The following CCSER1 variants were observed in gnomAD, a reference collection of about 807,000 sequenced individuals.
CCSER1 encodes the protein serine-rich coiled-coil domain-containing protein 1.
In CCSER1, 41 loss-of-function variants were observed where a neutral mutation model predicts 82.0. The ratio of observed to expected loss-of-function variants is 0.50; its 90% CI spans 0.39 to 0.65. The LOEUF is 0.65. Among genes scored for constraint, CCSER1 ranks in the 30% least tolerant of loss-of-function variants. The pLI, the probability that CCSER1 is intolerant of heterozygous loss-of-function variation, is 0.00. For synonymous variants in CCSER1, 414 were observed against 383.9 expected (o/e 1.08, Z -0.92); for missense variants, 1,119 against 1,064.2 (o/e 1.05, Z -0.72).
At chr4:91,010,225 A>G (rs752500959) in intron 9 of CCSER1, among the ~76,000 whole-genome samples, 1 of 152,180 alleles carries the variant, frequency 6.6e-6, no homozygotes, top group East Asian at 1.9e-4. Context: ...AACAATGAAT[A>G]TGTAATCTCA....
intron 1 of CCSER1, among the ~76,000 whole-genome samples, chr4:90,133,014 C>A (rs1723067371): frequency 6.6e-6 from 1 of 151,994 alleles, no homozygotes; most frequent in African/African-American, 2.4e-5. Context: ...ATATCTGGAG[C>A]CCCACCACAG....
chr4:91,096,204 G>A (rs953469462), intron 10 of CCSER1, among the ~76,000 whole-genome samples: 18 of 152,280 alleles, frequency 1.2e-4, no homozygotes, highest in African/African-American at 3.6e-4. Context: ...GTATTGGGCC[G>A]TAAATGGGCC....
chr4:91,522,909 T>C (rs549236414), intron 10 of CCSER1, among the ~76,000 whole-genome samples: 1 of 152,342 alleles, frequency 6.6e-6, no homozygotes, highest in African/African-American at 2.4e-5. Flanking sequence ...TCCAATACTA[T>C]GTTGAATAAG....
intron 6 of CCSER1, among the ~76,000 whole-genome samples, chr4:90,665,711 T>A (rs1436490396): frequency 6.6e-6 from 1 of 152,164 alleles, no homozygotes; most frequent in Non-Finnish European, 1.5e-5. Flanking sequence ...TACAAAGCAG[T>A]GGGGTATTAG....
chr4:91,375,154 A>G (rs567925019), intron 10 of CCSER1, among the ~76,000 whole-genome samples: 8 of 152,324 alleles, frequency 5.3e-5, no homozygotes, highest in African/African-American at 1.7e-4. Flanking sequence ...ATAAATATCA[A>G]CATTAACAGG....
At chr4:90,439,730 T>G (rs1342149781) in intron 4 of CCSER1, among the ~76,000 whole-genome samples, 1 of 152,198 alleles carries the variant, frequency 6.6e-6, no homozygotes, top group Non-Finnish European at 1.5e-5. Context: ...TTCAATAGAC[T>G]AATCCTTTCT....
chr4:90,898,286 T>TTTTTTTTTTTTTTTTTTTTTTTTTC, intron 8 of CCSER1, among the ~76,000 whole-genome samples: 1 of 112,978 alleles, frequency 8.9e-6, no homozygotes, highest in Non-Finnish European at 1.8e-5. Flanking sequence ...TTTTTTTTTT[T>TTTTTTTTTTTTTTTTTTTTTTTTTC]TTTTTTTTTT....
intron 10 of CCSER1, among the ~76,000 whole-genome samples, chr4:91,421,577 TATATC>T (rs903303808): frequency 8.5e-5 from 13 of 152,228 alleles, no homozygotes; most frequent in African/African-American, 2.9e-4. Flanking sequence ...CTTCCAGAAA[TATATC>T]ATAGACACAC....
intron 10 of CCSER1, among the ~76,000 whole-genome samples, chr4:91,393,667 T>C (rs1242481535): frequency 2.0e-5 from 3 of 152,130 alleles, no homozygotes; most frequent in African/African-American, 4.8e-5. Context: ...AATTGGGTTA[T>C]AGCTCATCCT....
At chr4:90,489,398 T>C (rs1357147603) in intron 5 of CCSER1, among the ~76,000 whole-genome samples, 1 of 151,976 alleles carries the variant, frequency 6.6e-6, no homozygotes, top group Admixed American at 6.6e-5. Flanking sequence ...TTTTAGGGAG[T>C]ATATAGGACT....
At position 90,386,261 on chromosome 4, in the gene CCSER1, G is replaced by A. The variant is rs1361724148; in HGVS notation, c.1510-13775G>A. On this transcript the variant is annotated intron_variant, in intron 3 of 10. Transcript: ENST00000509176. ...CGCATTACCTTCCTTCAATTTACAA[G>A]GCTATAGTAGCCCAAAGAGTATGGT... 2.6e-5 allele frequency among the ~76,000 whole-genome samples: 4 copies of A among 152,106 alleles called. No individual in the cohort carries two copies. In the East Asian group the frequency reaches 7.7e-4, roughly 29 times the overall value.
chr4:91,166,781 G>A (rs918241323), intron 10 of CCSER1, among the ~76,000 whole-genome samples: 5 of 152,164 alleles, frequency 3.3e-5, no homozygotes, highest in Admixed American at 2.6e-4. Context: ...AAAGATTTAC[G>A]TGTAAACAAT....
At position 90,953,929 on chromosome 4, in the gene CCSER1, T is replaced by C. The variant is rs987675260; in HGVS notation, c.2172+30482T>C. Among the ~76,000 whole-genome samples, 4 of 151,942 alleles carry C rather than the reference T, an allele frequency of 2.6e-5. No individual in the cohort carries two copies. The South Asian group carries it at 6.2e-4, about 24-fold the overall frequency. On this transcript the variant is annotated intron_variant, in intron 9 of 10. Coordinates refer to ENST00000509176, the MANE Select transcript of CCSER1 (RefSeq NM_001145065.2). Reference sequence around the variant, plus strand: ...ATAAGAGAAAAATTACAAAGCTCAATAGAGTTGTCATAACAAAAGAGGTTC... The same window carrying C: ...ATAAGAGAAAAATTACAAAGCTCAACAGAGTTGTCATAACAAAAGAGGTTC...
At chr4:90,376,207 G>A (rs975353242) in intron 3 of CCSER1, among the ~76,000 whole-genome samples, 2 of 152,104 alleles carry the variant, frequency 1.3e-5, no homozygotes, top group Non-Finnish European at 2.9e-5. Flanking sequence ...GGTTACTCAG[G>A]GGATCTTCTT....
intron 1 of CCSER1, among the ~76,000 whole-genome samples, chr4:90,245,513 A>C (rs1472263698): frequency 2.0e-5 from 3 of 152,204 alleles, no homozygotes; most frequent in Admixed American, 2.0e-4. Flanking sequence ...CTCTTATAAC[A>C]GCCCATTGTT....
intron 10 of CCSER1, among the ~76,000 whole-genome samples, chr4:91,589,594 TTGC>T (rs1049741112): frequency 6.6e-6 from 1 of 151,518 alleles, no homozygotes; most frequent in Non-Finnish European, 1.5e-5. Context: ...TTTTTATGTT[TTGC>T]TATACTAAGC....
In CCSER1 at chr4:91,418,303, T is replaced by TTA. The variant is rs377360118; in HGVS notation, c.2218-180269_2218-180268insTA. 6.8e-3 allele frequency among the ~76,000 whole-genome samples: 776 copies of TTA among 113,642 alleles called. 14 individuals are homozygous for TTA. Among genetic ancestry groups the TTA allele is most frequent in the African/African-American group, 0.026 (716 of 27,992 alleles). 74.6% of individuals were successfully genotyped at this position (113,642 alleles called of 152,430 possible). On this transcript the variant is annotated intron_variant, in intron 10 of 10. Transcript: ENST00000509176. The stretch of plus-strand genomic sequence containing the variant: ...CAACAAAATTCAGAGATTTTTTAAT[T>TTA]AAAAAAAAAAAAAACAAAATTGACA...
chr4:90,476,432 G>A (rs1765120726), intron 5 of CCSER1, among the ~76,000 whole-genome samples: 1 of 152,090 alleles, frequency 6.6e-6, no homozygotes, highest in Non-Finnish European at 1.5e-5. Flanking sequence ...GTCGGTGGGG[G>A]CATTCACCTT....
chr4:90,863,949 T>TTTTTATTTTATTTTA (rs57672590), intron 8 of CCSER1, among the ~76,000 whole-genome samples: 2,038 of 117,648 alleles, frequency 0.017, 58 homozygotes, highest in South Asian at 0.032. Flanking sequence ...ACCTATCACG[T>TTTTTATTTTATTTTA]TTTTATTTTA....
Sources: allele counts gnomAD v4.1 joint callset (sites outside exome capture counted in the v4.1 genomes callset), GRCh38; gene constraint gnomAD v4.1.1; transcripts MANE v1.5; gene names NCBI Gene and HGNC (gene_info 2026-07-23, HGNC 2026-07-21).